HACD3: variants seen among roughly 807,000 people sequenced by gnomAD.
The protein encoded by HACD3 is very-long-chain (3R)-3-hydroxyacyl-CoA dehydratase 3.
HACD3 carries 30 observed loss-of-function variants against 55.2 expected under a neutral mutation model. The observed-to-expected ratio is 0.54, with a 90% CI of 0.41 to 0.74. The LOEUF (loss-of-function observed/expected upper bound fraction) is 0.74, where lower values mean the gene tolerates loss of function less well. HACD3 is among the 30% of genes least tolerant of loss of function. The pLI is 0.00. For synonymous variants in HACD3, 141 were observed against 151.7 expected, an observed-to-expected ratio of 0.93 and a Z score of 0.52; for missense variants, 363 against 440.1, an observed-to-expected ratio of 0.82 and a Z score of 1.57.
At chr15:65,542,516 G>A (rs980722185) in intron 1 of HACD3, among the ~76,000 whole-genome samples, 5 of 152,038 alleles carry the variant, frequency 3.3e-5, no homozygotes, top group Non-Finnish European at 7.4e-5. Flanking sequence ...TACCCACCTT[G>A]GTCTCCCAAA....
At chr15:65,557,050 G>C (rs2072198967) in intron 4 of HACD3, 147 bp downstream of exon 4, 7 of 812,988 alleles carry the variant, frequency 8.6e-6, no homozygotes, top group Non-Finnish European at 1.3e-5. Flanking sequence ...TTTTCAAGAA[G>C]TATTGGCTAT....
intron 1 of HACD3, among the ~76,000 whole-genome samples, chr15:65,539,536 A>G (rs1210139812): frequency 2.0e-5 from 3 of 151,954 alleles, no homozygotes; most frequent in Non-Finnish European, 4.4e-5. Flanking sequence ...TTTTTTATAC[A>G]GTTGGTGGAA....
chr15:65,575,447 C>T (rs562707729), intron 10 of HACD3, among the ~76,000 whole-genome samples: 7 of 152,162 alleles, frequency 4.6e-5, no homozygotes, highest in African/African-American at 1.4e-4. Flanking sequence ...CTTGGCCTCC[C>T]GAAGTGCTGA....
At chr15:65,571,458 G>C in intron 8 of HACD3, 90 bp from the exon 9 acceptor site, 3 of 935,572 alleles carry the variant, frequency 3.2e-6, no homozygotes, top group Non-Finnish European at 5.0e-6. Flanking sequence ...GTGTGGCTGA[G>C]AAATAGAATT....
rs1359062208 is a variant in HACD3 at position 65,537,946 on chromosome 15, AAAAAAAAAAAAAATATATATATATAT to A, written c.87+7230_87+7255del. On this transcript the variant is annotated intron_variant, in intron 1 of 10. Transcript: ENST00000261875. ...GGCCAACTTCTCAGAAAAAAAAAAAAAAAAAAAAAAAAATATATATATATATATATATATATATATATATATATATA... is the reference window on the plus strand; with the variant it reads ...GGCCAACTTCTCAGAAAAAAAAAAAAATATATATATATATATATATATATA... Among the ~76,000 whole-genome samples, 312 of 53,490 alleles carry A rather than the reference AAAAAAAAAAAAAATATATATATATAT, an allele frequency of 5.8e-3. 11 individuals are homozygous for A. The highest frequency in any genetic ancestry group is 0.019 in the African/African-American group (254 of 13,428). 35.1% of individuals were successfully genotyped at this position (53,490 alleles called of 152,430 possible).
intron 10 of HACD3, among the ~76,000 whole-genome samples, chr15:65,576,073 G>A (rs979901207): frequency 6.6e-6 from 1 of 152,216 alleles, no homozygotes; most frequent in Non-Finnish European, 1.5e-5. Context: ...CAGCCTGGGT[G>A]ACAGAATGAG....
At position 65,572,206 on chromosome 15, in the gene HACD3, T is replaced by C. The variant is rs80112489; in HGVS notation, c.881-29T>C. On this transcript the variant is annotated intron_variant, in intron 9 of 10. Transcript: ENST00000261875. ...CATTAAATGTGACTGTTTCATTTGC[T>C]TCTAACAAGTTCTTGTTTCTGTTTT... 10,650 of 1,609,124 alleles carry C rather than the reference T, an allele frequency of 6.6e-3. 54 individuals are homozygous for C. The highest frequency in any genetic ancestry group is 7.8e-3 in the Non-Finnish European group (9,236 of 1,178,946).
Position 65,577,184 on chromosome 15 carries a change from G to C in HACD3, c.*805G>C, listed in dbSNP as rs1331643975. The C allele has an allele frequency of 6.6e-6, 1 of 152,086 alleles. No individual in the cohort carries two copies. The highest frequency in any genetic ancestry group is 2.4e-5 in the African/African-American group (1 of 41,384). The allele number at this position is 152,086 out of a possible 1,614,324, so 9.4% of individuals were successfully genotyped here. The stretch of plus-strand genomic sequence containing the variant: ...TCACACCTGTAATCCCAGCACTTTG[G>C]GACACCTAGGTGGGAGCATCGCTTG... On this transcript the variant is annotated 3_prime_UTR_variant, in exon 11 of 11. Coordinates refer to ENST00000261875, the MANE Select transcript of HACD3 (RefSeq NM_016395.4).
intron 1 of HACD3, among the ~76,000 whole-genome samples, chr15:65,540,358 A>AT: frequency 1.3e-5 from 2 of 152,374 alleles, no homozygotes; most frequent in Middle Eastern, 6.8e-3. Flanking sequence ...AGATATGTTA[A>AT]TAAATAATTA....
At chr15:65,536,765 A>C (rs2071959337) in intron 1 of HACD3, among the ~76,000 whole-genome samples, 1 of 152,130 alleles carries the variant, frequency 6.6e-6, no homozygotes, top group Admixed American at 6.5e-5. Context: ...CAAAACAAAC[A>C]AACAAGCCCT....
intron 1 of HACD3, among the ~76,000 whole-genome samples, chr15:65,543,245 C>T (rs146429945): frequency 2.6e-5 from 4 of 152,178 alleles, no homozygotes; most frequent in African/African-American, 9.6e-5. Context: ...TTTTAAAAAT[C>T]AACCTTCCCC....
At chr15:65,535,859 T>A (rs916909073) in intron 1 of HACD3, 16 of 578,530 alleles carry the variant, frequency 2.8e-5, no homozygotes, top group Admixed American at 2.9e-5. Context: ...AATTTTCAAT[T>A]TTTTAATTTT....
rs748827681 is a variant in HACD3 at position 65,551,703 on chromosome 15, G to C, written c.115G>C (p.Val39Leu). ...CCCTGCCATCAGCATCACTGAAAAC[G>C]TGCTGCATTTCAAAGGTCAGTATCC... ...QNPAISITENVLHFKAQGHGA... is the reference protein window; with the variant it reads ...QNPAISITENLLHFKAQGHGA... Residue 39 changes from valine to leucine, a missense_variant, in exon 2 of 11, where the codon GTG becomes CTG. Physicochemically the swap from Val to Leu is conservative, Grantham distance 32. Transcript: ENST00000261875. 2.5e-6 allele frequency: 4 copies of C among 1,613,896 alleles called. No individual in the cohort carries two copies. The highest frequency in any genetic ancestry group is 3.4e-6 in the Non-Finnish European group (4 of 1,179,850).
At chr15:65,531,830 T>C (rs2071903900) in intron 1 of HACD3, among the ~76,000 whole-genome samples, 1 of 152,142 alleles carries the variant, frequency 6.6e-6, no homozygotes, top group Non-Finnish European at 1.5e-5. Flanking sequence ...CCTCCCAAAG[T>C]GCTGGGATTA....
chr15:65,545,746 T>C (rs649121), intron 1 of HACD3, among the ~76,000 whole-genome samples: 142,798 of 152,020 alleles, frequency 0.94, 67,076 homozygotes, highest in Admixed American at 0.96. Context: ...GAGCCACCCG[T>C]GGCCGATTCT....
intron 1 of HACD3, among the ~76,000 whole-genome samples, chr15:65,532,146 G>A (rs2071907417): frequency 6.6e-6 from 1 of 152,164 alleles, no homozygotes; most frequent in Non-Finnish European, 1.5e-5. Flanking sequence ...ATTGCATGGT[G>A]TGTCGTTTAA....
chr15:65,578,329 T>C lies in HACD3; in HGVS notation c.*1950T>C, dbSNP rs1049740834. 1 of 152,234 alleles carries C rather than the reference T, an allele frequency of 6.6e-6. No homozygotes were observed. The highest frequency in any genetic ancestry group is 1.5e-5 in the Non-Finnish European group (1 of 68,044). The allele number at this position is 152,234 out of a possible 1,614,324, so 9.4% of individuals were successfully genotyped here. On this transcript the variant is annotated 3_prime_UTR_variant, in exon 11 of 11. Transcript: ENST00000261875. ...GAAAGTGAAAGATTGTGTATTTCTA[T>C]TAAAACATTTACAATCAAAATTCTA...
intron 10 of HACD3, among the ~76,000 whole-genome samples, chr15:65,572,921 A>AT (rs1405510975): frequency 1.8e-4 from 26 of 145,902 alleles, no homozygotes; most frequent in African/African-American, 3.9e-4. Flanking sequence ...TCTCAAAAAA[A>AT]AAAAAAAAAT....
intron 10 of HACD3, among the ~76,000 whole-genome samples, chr15:65,574,969 ATATTT>A (rs1404490059): frequency 6.6e-6 from 1 of 152,174 alleles, no homozygotes; most frequent in Admixed American, 6.5e-5. Flanking sequence ...AGGGGTAGAA[ATATTT>A]TAAAGTGCAT....
Sources: allele counts gnomAD v4.1 joint callset (sites outside exome capture counted in the v4.1 genomes callset), GRCh38; gene constraint gnomAD v4.1.1; transcripts MANE v1.5; gene names NCBI Gene and HGNC (gene_info 2026-07-23, HGNC 2026-07-21).